The following UBR1 variants were observed in gnomAD, a reference collection of about 807,000 sequenced individuals.
The protein encoded by UBR1 is E3 ubiquitin-protein ligase UBR1.
Under a neutral mutation model 242.1 loss-of-function variants are expected in UBR1, and 102 were observed. The observed-to-expected ratio is 0.42, with a 90% CI of 0.36 to 0.50. The LOEUF (loss-of-function observed/expected upper bound fraction) is 0.50, where lower values mean the gene tolerates loss of function less well. Among genes scored for constraint, UBR1 ranks in the 20% least tolerant of loss-of-function variants. UBR1 has a pLI of 0.01. For synonymous variants in UBR1, 675 were observed against 684.8 expected (o/e 0.99, Z 0.22); for missense variants, 1,772 against 2,101.8 (o/e 0.84, Z 3.07).
intron 33 of UBR1, among the ~76,000 whole-genome samples, chr15:42,994,684 C>A (rs1489624185): frequency 6.6e-6 from 1 of 152,206 alleles, no homozygotes; most frequent in Non-Finnish European, 1.5e-5. Flanking sequence ...AATGCTTACA[C>A]ATTCTCTGCA....
intron 11 of UBR1, 127 bp from the exon 12 acceptor site, chr15:43,055,026 G>A: frequency 8.8e-7 from 1 of 1,142,190 alleles, no homozygotes; most frequent in South Asian, 1.4e-5. Flanking sequence ...GTTAAACACA[G>A]TCCTTAGTTT....
chr15:43,063,849 G>A (rs930420249), intron 6 of UBR1, among the ~76,000 whole-genome samples: 1 of 152,032 alleles, frequency 6.6e-6, no homozygotes, highest in Non-Finnish European at 1.5e-5. Flanking sequence ...TGATTCTCCT[G>A]CCTCAGCCTC....
chr15:42,966,756 A>G (rs542067843), intron 40 of UBR1, among the ~76,000 whole-genome samples: 1 of 152,200 alleles, frequency 6.6e-6, no homozygotes, highest in South Asian at 2.1e-4. Context: ...AAAATCACAA[A>G]TCTTACATAT....
intron 5 of UBR1, 52 bp from the exon 6 acceptor site, chr15:43,068,088 G>GTAAAAAAAAAAAAAAAAAAAAAAAAAAA: frequency 1.7e-6 from 1 of 579,716 alleles, no homozygotes; most frequent in South Asian, 2.8e-5. Context: ...TAAAGGAAAA[G>GTAAAAAAAAAAAAAAAAAAAAAAAAAAA]TAAAAAAAAA....
chr15:43,019,370 A>G (rs972444209), intron 27 of UBR1, among the ~76,000 whole-genome samples: 2 of 150,734 alleles, frequency 1.3e-5, no homozygotes, highest in African/African-American at 2.4e-5. Context: ...GCCAATAATG[A>G]TATTACATCA....
chr15:42,950,127 CG>C, intron 46 of UBR1, 134 bp downstream of exon 46: 2 of 837,580 alleles, frequency 2.4e-6, no homozygotes, highest in Non-Finnish European at 4.0e-6. Context: ...GTATAAGCCA[CG>C]GTGTCTGGCC....
intron 39 of UBR1, among the ~76,000 whole-genome samples, chr15:42,974,052 C>A (rs960403639): frequency 1.3e-5 from 2 of 151,900 alleles, no homozygotes; most frequent in Non-Finnish European, 2.9e-5. Flanking sequence ...CCACGCCCAG[C>A]TAATTTTTTG....
chr15:43,028,159 G>T (rs766031391), intron 21 of UBR1, among the ~76,000 whole-genome samples: 5 of 152,106 alleles, frequency 3.3e-5, no homozygotes, highest in Non-Finnish European at 5.9e-5. Context: ...TATGTAGTAT[G>T]TTCATCACCC....
intron 30 of UBR1, among the ~76,000 whole-genome samples, chr15:43,004,999 G>T (rs895920855): frequency 6.6e-6 from 1 of 151,556 alleles, no homozygotes; most frequent in African/African-American, 2.4e-5. Flanking sequence ...CGCCCCATCT[G>T]GGATGTGAGG....
At chr15:43,041,428 C>T (rs2033416170) in intron 15 of UBR1, among the ~76,000 whole-genome samples, 1 of 152,018 alleles carries the variant, frequency 6.6e-6, no homozygotes, top group Non-Finnish European at 1.5e-5. Flanking sequence ...GAACATCACA[C>T]ACCGGGGCCT....
At chr15:43,096,503 T>C (rs1344620021) in intron 1 of UBR1, among the ~76,000 whole-genome samples, 1 of 152,170 alleles carries the variant, frequency 6.6e-6, no homozygotes, top group African/African-American at 2.4e-5. Context: ...GTCTGCCACA[T>C]TGATTGACCT....
chr15:43,026,833 G>A (rs2033184563), intron 22 of UBR1, among the ~76,000 whole-genome samples, 170 bp from the exon 23 acceptor site: 1 of 152,104 alleles, frequency 6.6e-6, no homozygotes, highest in Non-Finnish European at 1.5e-5. Flanking sequence ...CCTACATTGT[G>A]AACACAAAGC....
chr15:42,960,546 G>T, intron 43 of UBR1, 99 bp downstream of exon 43: 2 of 1,197,864 alleles, frequency 1.7e-6, no homozygotes, highest in Non-Finnish European at 2.5e-6. Context: ...TACTGAGTGA[G>T]AATGAAGAAA....
At position 43,040,790 on chromosome 15, in the gene UBR1, C is replaced by T. The variant is rs538618130; in HGVS notation, c.1849+2425G>A. Among the ~76,000 whole-genome samples the T allele has an allele frequency of 4.6e-5, 7 of 152,318 alleles. No individual in the cohort carries two copies. The East Asian group carries it at 1.3e-3, about 29-fold the overall frequency. On this transcript the variant is annotated intron_variant, in intron 15 of 46. Coordinates refer to ENST00000290650, the MANE Select transcript of UBR1 (RefSeq NM_174916.3). ...TTGAAAAGCAGGCGAAGGATATGAA[C>T]AGACACTTCTCAAAAGAAGACATTT...
chr15:43,013,258 A>C (rs1423656440), intron 29 of UBR1, among the ~76,000 whole-genome samples: 2 of 152,202 alleles, frequency 1.3e-5, no homozygotes, highest in Admixed American at 1.3e-4. Flanking sequence ...AAAAGGGCCA[A>C]AGTGGGTACT....
At chr15:42,986,344 A>C (rs2032459229) in intron 35 of UBR1, among the ~76,000 whole-genome samples, 1 of 152,240 alleles carries the variant, frequency 6.6e-6, no homozygotes, top group Non-Finnish European at 1.5e-5. Context: ...GATATTAATC[A>C]AATGGAATCC....
chr15:43,062,618 A>G (rs2033702453), intron 6 of UBR1, among the ~76,000 whole-genome samples: 1 of 152,138 alleles, frequency 6.6e-6, no homozygotes, highest in African/African-American at 2.4e-5. Flanking sequence ...AATGTTATTG[A>G]TTGACTGAAT....
intron 12 of UBR1, among the ~76,000 whole-genome samples, 179 bp downstream of exon 12, chr15:43,054,563 A>G (rs2141332875): frequency 6.6e-6 from 1 of 152,294 alleles, no homozygotes; most frequent in African/African-American, 2.4e-5. Context: ...TTTACAACTC[A>G]ATAAGAAGCC....
chr15:42,980,620 C>T (rs2032362541), intron 37 of UBR1, among the ~76,000 whole-genome samples: 1 of 152,024 alleles, frequency 6.6e-6, no homozygotes, highest in African/African-American at 2.4e-5. Flanking sequence ...ATCCATCCAT[C>T]CATTTAGAGA....
Sources: gnomAD v4.1 joint callset for allele counts (sites outside exome capture counted in the v4.1 genomes callset) on GRCh38, gnomAD v4.1.1 for gene constraint, MANE v1.5 for transcripts, NCBI Gene and HGNC (gene_info 2026-07-23, HGNC 2026-07-21) for gene names.